Variants in CLPTM1L observed in about 807,000 individuals in gnomAD.
The protein encoded by CLPTM1L is lipid scramblase CLPTM1L.
In CLPTM1L, 38 loss-of-function variants were observed where a neutral mutation model predicts 70.9. That is an observed-to-expected ratio of 0.54 (90% CI 0.41 to 0.70). The LOEUF (loss-of-function observed/expected upper bound fraction) is 0.70. Among genes scored for constraint, CLPTM1L ranks in the 30% least tolerant of loss-of-function variants. The pLI, the probability that CLPTM1L is intolerant of heterozygous loss-of-function variation, is 0.00. For missense variants in CLPTM1L, 652 were observed against 705.9 expected (o/e 0.92, Z 0.87); for synonymous variants, 339 against 299.9 (o/e 1.13, Z -1.35).
chr5:1,333,808 G>GATGA (rs1753359790), intron 7 of CLPTM1L, among the ~76,000 whole-genome samples: 1 of 151,520 alleles, frequency 6.6e-6, no homozygotes. Flanking sequence ...ATCGGGTAAG[G>GATGA]GGGAACTACT....
intron 3 of CLPTM1L, among the ~76,000 whole-genome samples, chr5:1,340,149 T>G (rs1171977625): frequency 1.3e-5 from 2 of 152,200 alleles, no homozygotes; most frequent in Admixed American, 1.3e-4. Context: ...ACTTCACCAA[T>G]TCCTTTTTTG....
rs780488378 is a variant in CLPTM1L at position 1,324,768 on chromosome 5, T to C, written c.1192A>G (p.Thr398Ala). The change falls in exon 11 of 17, where the codon ACT (threonine) becomes GCT (alanine). Residue 398 changes from threonine to alanine, a missense_variant. Thr to Ala is a moderately conservative substitution (Grantham distance 58, BLOSUM62 0). This residue lies in a region of CLPTM1L where 240 missense variants were observed against 295.0 expected (regional missense o/e 0.81). Transcript: ENST00000320895. The part of the protein sequence containing the change: ...ESERKTEEYD[T>A]QAMKYLSYLL... Reference sequence around the variant, plus strand: ...CTGAATCACAAGTGACTTACCTGAGTATCGTACTCCTCGGTTTTCCTCTCA... The same window carrying C: ...CTGAATCACAAGTGACTTACCTGAGCATCGTACTCCTCGGTTTTCCTCTCA... The C allele has an allele frequency of 5.0e-6, 8 of 1,613,982 alleles. No individual in the cohort carries two copies. The highest frequency in any genetic ancestry group is 6.8e-6 in the Non-Finnish European group (8 of 1,179,928).
At position 1,342,517 on chromosome 5, in the gene CLPTM1L, G is replaced by A. The variant is rs1419297780; in HGVS notation, c.264-657C>T. Among the ~76,000 whole-genome samples, 1 of 152,188 alleles carries A rather than the reference G, an allele frequency of 6.6e-6. No homozygotes were observed. The highest frequency in any genetic ancestry group is 1.5e-5 in the Non-Finnish European group (1 of 68,028). The stretch of plus-strand genomic sequence containing the variant: ...GCTCTTCACCCGCACACCAGGGCCC[G>A]ACGTCCATACTACAGCCCCATGGAA... On this transcript the variant is annotated intron_variant, in intron 2 of 16. Coordinates refer to ENST00000320895, the MANE Select transcript of CLPTM1L (RefSeq NM_030782.5). This position sits in a 1 kb window ranked among gnomAD's most constrained non-coding sequence, Gnocchi z 4.3.
chr5:1,322,660 G>A (rs1752225365), intron 13 of CLPTM1L, among the ~76,000 whole-genome samples: 1 of 152,232 alleles, frequency 6.6e-6, no homozygotes, highest in South Asian at 2.1e-4. Context: ...ACAAGGACCT[G>A]TTTCTCAGAA....
At chr5:1,331,983 G>A (rs1753124039) in intron 7 of CLPTM1L, 100 bp from the exon 8 acceptor site, 6 of 940,744 alleles carry the variant, frequency 6.4e-6, no homozygotes, top group Non-Finnish European at 6.7e-6. Flanking sequence ...GACTGCAGGT[G>A]TACTCAGCCT....
At position 1,330,326 on chromosome 5, in the gene CLPTM1L, G is replaced by T. The variant is rs1465444653; in HGVS notation, c.1034C>A (p.Thr345Lys). 6.2e-7 allele frequency: 1 copy of T among 1,612,826 alleles called. No homozygotes were observed. Among genetic ancestry groups the T allele is most frequent in the East Asian group, 2.2e-5 (1 of 44,866 alleles). The part of the protein sequence containing the change: ...VIFLFLLDEQ[T>K]SLLVLVPAGV... ...CGCCGGGACCAGCACCAGCAGGCTC[G>T]TCTGCTCGTCCAGCAGGAACAGAAA... Residue 345 changes from threonine (T) to lysine (K), a missense_variant, in exon 9 of 17, where the codon ACG (threonine) becomes AAG (lysine). Thr to Lys is a moderately conservative substitution (Grantham distance 78). This residue lies in a region of CLPTM1L where 240 missense variants were observed against 295.0 expected (regional missense o/e 0.81). Coordinates refer to ENST00000320895, the MANE Select transcript of CLPTM1L (RefSeq NM_030782.5).
intron 9 of CLPTM1L, among the ~76,000 whole-genome samples, chr5:1,327,726 T>TCCTGCTCCTCCTCTACAGGGACATTCCAC (rs1752714859): frequency 6.8e-6 from 1 of 146,900 alleles, no homozygotes; most frequent in African/African-American, 2.6e-5. Flanking sequence ...GGACATTTCA[T>TCCTGCTCCTCCTCTACAGGGACATTCCAC]CCAGCTCCTC....
intron 6 of CLPTM1L, 74 bp from the exon 7 acceptor site, chr5:1,334,457 C>T (rs934129311): frequency 8.8e-7 from 1 of 1,140,290 alleles, no homozygotes; most frequent in Non-Finnish European, 1.3e-6. Context: ...ATACAGTTTT[C>T]AATATAAAAA....
In CLPTM1L at chr5:1,335,082, G is replaced by A. The variant is rs746817950; in HGVS notation, c.771C>T (p.Asp257=). Residue 257 remains aspartate (D), a synonymous_variant, in exon 6 of 17, where the codon GAC becomes GAT. Transcript: ENST00000320895. ...CGAACTGCTGCAGGGAGTACACGGCGTCCTGCATGTGGATCCAGAAGCGCA... is the reference window on the plus strand; with the variant it reads ...CGAACTGCTGCAGGGAGTACACGGCATCCTGCATGTGGATCCAGAAGCGCA... ...GRLRFWIHMQ[D]AVYSLQQFGF... 3.0e-5 allele frequency: 49 copies of A among 1,613,262 alleles called. No homozygotes were observed. Among genetic ancestry groups the A allele is most frequent in the Admixed American group, 2.8e-4 (17 of 60,016 alleles).
At chr5:1,324,737 C>G (rs752297403) in intron 11 of CLPTM1L, 26 bp downstream of exon 11, 7 of 1,609,898 alleles carry the variant, frequency 4.3e-6, no homozygotes, top group Non-Finnish European at 5.1e-6. Flanking sequence ...CTGGCATGCA[C>G]GTGCCCTGAA....
At chr5:1,323,944 C>A (rs769636344) in intron 11 of CLPTM1L, 75 bp from the exon 12 acceptor site, 2 of 1,157,246 alleles carry the variant, frequency 1.7e-6, no homozygotes, top group South Asian at 1.2e-5. Context: ...ATGGAGCTCA[C>A]CCCGACAGGG....
Position 1,335,388 on chromosome 5 carries a change from C to T in CLPTM1L, c.679-214G>A, listed in dbSNP as rs368537107. Among the ~76,000 whole-genome samples the T allele has an allele frequency of 2.1e-3, 321 of 152,372 alleles. 2 individuals are homozygous for T. Among genetic ancestry groups the T allele is most frequent in the African/African-American group, 7.1e-3 (296 of 41,594 alleles). Reference sequence around the variant, plus strand: ...TTCCAGCACAGGGAGGTTCCCACCCCCACCAGGACCCCGTGAGCTCAGCAG... The same window carrying T: ...TTCCAGCACAGGGAGGTTCCCACCCTCACCAGGACCCCGTGAGCTCAGCAG... On this transcript the variant is annotated intron_variant, in intron 5 of 16. Coordinates refer to ENST00000320895, the MANE Select transcript of CLPTM1L (RefSeq NM_030782.5).
At chr5:1,333,120 C>A (rs1753237975) in intron 7 of CLPTM1L, among the ~76,000 whole-genome samples, 1 of 59,088 alleles carries the variant, frequency 1.7e-5, no homozygotes. Flanking sequence ...ACTGTAGACA[C>A]ACCGGATAAG....
intron 9 of CLPTM1L, among the ~76,000 whole-genome samples, chr5:1,328,908 CACATTTCATCCAGCTCCTCCTCTACAGGG>C (rs1752863042): frequency 9.5e-5 from 14 of 147,434 alleles, no homozygotes; most frequent in South Asian, 4.2e-4. Context: ...CCTCTACAGA[CACATTTCATCCAGCTCCTCCTCTACAGGG>C]ACATTCCATC....
chr5:1,344,526 G>C, intron 1 of CLPTM1L, 75 bp from the exon 2 acceptor site: 1 of 1,494,838 alleles, frequency 6.7e-7, no homozygotes, highest in Non-Finnish European at 9.3e-7. Context: ...CGGCCAGCTG[G>C]AGGGCGGAAG....
chr5:1,327,311 C>G (rs866831612), intron 9 of CLPTM1L, among the ~76,000 whole-genome samples: 1,648 of 132,206 alleles, frequency 0.012, 7 homozygotes, highest in Middle Eastern at 0.032. Flanking sequence ...CCTCTACAGA[C>G]ACATTCCATC....
intron 16 of CLPTM1L, among the ~76,000 whole-genome samples, chr5:1,319,177 G>A (rs754078778): frequency 6.6e-6 from 1 of 152,200 alleles, no homozygotes; most frequent in East Asian, 1.9e-4. Flanking sequence ...CCGGGGCTCC[G>A]TGGCTTGGAC....
rs149669133 is a variant in CLPTM1L at position 1,335,064 on chromosome 5, C to T, written c.789G>A (p.Gln263=). ...GCCGTGTGCGGCACATACCGAACTGCTGCAGGGAGTACACGGCGTCCTGCA... is the reference window on the plus strand; with the variant it reads ...GCCGTGTGCGGCACATACCGAACTGTTGCAGGGAGTACACGGCGTCCTGCA... The part of the protein sequence containing the change: ...IHMQDAVYSL[Q]QFGFSEKDAD... The change falls in exon 6 of 17, where the codon CAG becomes CAA. Residue 263 remains glutamine (Q), a synonymous_variant. Coordinates refer to ENST00000320895, the MANE Select transcript of CLPTM1L (RefSeq NM_030782.5). 5.3e-5 allele frequency: 86 copies of T among 1,612,688 alleles called. No homozygotes were observed. The highest frequency in any genetic ancestry group is 5.3e-5 in the Non-Finnish European group (63 of 1,179,550).
intron 12 of CLPTM1L, among the ~76,000 whole-genome samples, chr5:1,323,430 A>G (rs1462387651): frequency 1.3e-5 from 2 of 150,878 alleles, no homozygotes; most frequent in Non-Finnish European, 3.0e-5. Context: ...CTCTCGGCTC[A>G]GGGCCAACAC....
Sources: allele counts gnomAD v4.1 joint callset (sites outside exome capture counted in the v4.1 genomes callset), GRCh38; gene constraint gnomAD v4.1.1; regional missense constraint gnomAD v4.1.1; non-coding constraint Gnocchi (gnomAD v3.1); transcripts MANE v1.5; gene names NCBI Gene and HGNC (gene_info 2026-07-23, HGNC 2026-07-21).